The following EXD2 variants were observed in gnomAD, a reference collection of about 807,000 sequenced individuals.
The protein encoded by EXD2 is exonuclease 3'-5' domain containing 2.
EXD2 carries 40 observed loss-of-function variants against 62.5 expected under a neutral mutation model. The ratio of observed to expected loss-of-function variants is 0.64; its 90% CI spans 0.50 to 0.83. The LOEUF (loss-of-function observed/expected upper bound fraction) is 0.83. Among genes scored for constraint, EXD2 ranks in the 40% least tolerant of loss-of-function variants. EXD2 has a pLI of 0.00. For missense variants in EXD2, 671 were observed against 761.8 expected (o/e 0.88, Z 1.40); for synonymous variants, 239 against 291.9 (o/e 0.82, Z 1.85).
chr14:69,236,214 G>A (rs2043779283), intron 7 of EXD2, 62 bp downstream of exon 7: 2 of 1,530,592 alleles, frequency 1.3e-6, no homozygotes, highest in Admixed American at 3.3e-5. Flanking sequence ...GGCAGGAGTG[G>A]GGAGTGAGAT....
rs956999545 is a variant in EXD2 at position 69,240,901 on chromosome 14, A to G, written c.1667A>G (p.Tyr556Cys). Residue 556 changes from tyrosine (Y) to cysteine (C), a missense_variant, in exon 10 of 10, where the codon TAT becomes TGT. Physicochemically the swap from Tyr to Cys is radical, Grantham distance 194. Transcript: ENST00000685843. ...SLETRISNEN[Y>C]VPHGLKVVQC... is the part of the protein sequence containing the mutation. The stretch of plus-strand genomic sequence containing the variant: ...TTTGGCAGAATCTCCAATGAAAACT[A>G]TGTTCCTCACGGGCTGAAGGTGGTG... 9 of 1,613,460 alleles carry G rather than the reference A, an allele frequency of 5.6e-6. No homozygotes were observed. Among genetic ancestry groups the G allele is most frequent in the Middle Eastern group, 3.4e-4 (2 of 5,814 alleles).
At chr14:69,194,126 G>C (rs1452591821) in intron 1 of EXD2, among the ~76,000 whole-genome samples, 9 of 144,116 alleles carry the variant, frequency 6.2e-5, no homozygotes, top group Non-Finnish European at 4.5e-5. Context: ...CTGTCACCTC[G>C]AACAGTCAGT....
intron 2 of EXD2, among the ~76,000 whole-genome samples, chr14:69,208,057 C>A (rs2042669261): frequency 6.6e-6 from 1 of 151,960 alleles, no homozygotes; most frequent in Non-Finnish European, 1.5e-5. Flanking sequence ...CACCACCACG[C>A]CTGGCTAATT....
At chr14:69,226,927 G>T (rs1488129068) in intron 3 of EXD2, among the ~76,000 whole-genome samples, 1 of 152,040 alleles carries the variant, frequency 6.6e-6, no homozygotes, top group Non-Finnish European at 1.5e-5. Context: ...GTCATTTTCT[G>T]TGTGTGTGAG....
chr14:69,243,027 T>C lies in EXD2; in HGVS notation c.*1927T>C, dbSNP rs1223452043. 6.6e-6 allele frequency: 1 copy of C among 152,130 alleles called. No homozygotes were observed. Among genetic ancestry groups the C allele is most frequent in the Non-Finnish European group, 1.5e-5 (1 of 68,016 alleles). 9.4% of individuals were successfully genotyped at this position (152,130 alleles called of 1,614,324 possible). A position where few individuals can be genotyped will look rare whatever the true frequency, so the allele number is the denominator to read the frequency against. ...ATTTAAGGTGCTAGGGAAAGGGTTT[T>C]CCCATGGAGCTTTCTGTGAGGCGCA... On this transcript the variant is annotated 3_prime_UTR_variant, in exon 10 of 10. Coordinates refer to ENST00000685843, the MANE Select transcript of EXD2 (RefSeq NM_001193360.2).
chr14:69,202,657 A>G (rs1462483060), intron 1 of EXD2, among the ~76,000 whole-genome samples: 1 of 152,260 alleles, frequency 6.6e-6, no homozygotes, highest in Non-Finnish European at 1.5e-5. Context: ...TGCAGTTTAC[A>G]AAACCTCTTC....
intron 1 of EXD2, among the ~76,000 whole-genome samples, chr14:69,194,374 G>A (rs184285680): frequency 1.4e-4 from 22 of 152,066 alleles, no homozygotes; most frequent in Non-Finnish European, 2.6e-4. Context: ...TCCTGACCTC[G>A]TGATCCACCT....
intron 5 of EXD2, among the ~76,000 whole-genome samples, chr14:69,231,476 T>TA (rs1316077731): frequency 1.5e-4 from 23 of 152,234 alleles, no homozygotes; most frequent in African/African-American, 5.1e-4. Flanking sequence ...ATCAGGTTAA[T>TA]ATACAGTATT....
intron 6 of EXD2, among the ~76,000 whole-genome samples, chr14:69,235,405 C>T (rs1425187642): frequency 6.6e-6 from 1 of 152,154 alleles, no homozygotes; most frequent in Non-Finnish European, 1.5e-5. Context: ...TGTAGTGCCT[C>T]ATACTTTTCA....
chr14:69,195,304 C>T (rs1428595719), intron 1 of EXD2, among the ~76,000 whole-genome samples: 1 of 151,912 alleles, frequency 6.6e-6, no homozygotes, highest in Non-Finnish European at 1.5e-5. Flanking sequence ...CTCGAGTGAT[C>T]CTCCTGCCTC....
chr14:69,220,253 G>GTTTTTTGTTTTTTT (rs2043126549), intron 3 of EXD2, among the ~76,000 whole-genome samples: 8 of 35,108 alleles, frequency 2.3e-4, no homozygotes, highest in Non-Finnish European at 3.0e-4. Flanking sequence ...TTGTCTCTCT[G>GTTTTTTGTTTTTTT]TTTTTTTTTT....
intron 1 of EXD2, among the ~76,000 whole-genome samples, chr14:69,195,171 T>A (rs955106098): frequency 8.6e-5 from 13 of 150,460 alleles, no homozygotes; most frequent in Middle Eastern, 6.5e-3. Context: ...GAGCTGAAAT[T>A]GCACCACTGC....
intron 3 of EXD2, among the ~76,000 whole-genome samples, chr14:69,220,357 A>G (rs4271533): frequency 0.73 from 101,625 of 139,520 alleles, 37,746 homozygotes; most frequent in East Asian, 1. Context: ...TTCAAGCTCC[A>G]CCTCCCGGGT....
intron 4 of EXD2, 86 bp downstream of exon 4, chr14:69,229,158 A>G (rs1219319083): frequency 6.5e-7 from 1 of 1,528,056 alleles, no homozygotes; most frequent in Non-Finnish European, 8.9e-7. Context: ...CTCAATAGTG[A>G]GACATGTGAA....
intron 9 of EXD2, 75 bp downstream of exon 9, chr14:69,238,006 G>T: frequency 1.5e-6 from 2 of 1,356,430 alleles, no homozygotes; most frequent in Non-Finnish European, 2.0e-6. Flanking sequence ...TTGCCAGGGA[G>T]GGGGCATTGG....
chr14:69,229,154 AG>A lies in EXD2; in HGVS notation c.590+83del, dbSNP rs2043478239. 6.5e-6 allele frequency: 10 copies of A among 1,542,092 alleles called. No individual in the cohort carries two copies. In the African/African-American group the frequency reaches 1.4e-4, roughly 21 times the overall value. On this transcript the variant is annotated intron_variant, in intron 4 of 9. Transcript: ENST00000685843. ...GATTTGTAGATGCCTGGGACTCAAT[AG>A]TGAGACATGTGAAATTGTATAGGAG... is the stretch of plus-strand genomic sequence containing the variant.
intron 3 of EXD2, chr14:69,214,089 T>G (rs946039417): frequency 6.6e-6 from 1 of 152,212 alleles, no homozygotes; most frequent in African/African-American, 2.4e-5. Context: ...TTTGGCAGTT[T>G]ATCATTTTCA....
rs1595092997 is a variant in EXD2 at position 69,191,535 on chromosome 14, G to A, written c.-188G>A. The stretch of plus-strand genomic sequence containing the variant: ...TGGGTGCGCGCAGGCGGCCGCACAG[G>A]TTCCAGGTCTTTAACGTGAGCCCGC... On this transcript the variant is annotated 5_prime_UTR_variant, in exon 1 of 10. Transcript: ENST00000685843. 1 of 152,514 alleles carries A rather than the reference G, an allele frequency of 6.6e-6. No individual in the cohort carries two copies. Among genetic ancestry groups the A allele is most frequent in the Admixed American group, 6.5e-5 (1 of 15,304 alleles). 9.4% of individuals were successfully genotyped at this position (152,514 alleles called of 1,614,324 possible).
intron 3 of EXD2, among the ~76,000 whole-genome samples, chr14:69,212,957 C>A (rs985242945): frequency 6.6e-6 from 1 of 151,792 alleles, no homozygotes; most frequent in Non-Finnish European, 1.5e-5. Flanking sequence ...GCAATCCATT[C>A]GCCTCAGTCC....
Sources: gnomAD v4.1 joint callset for allele counts (sites outside exome capture counted in the v4.1 genomes callset) on GRCh38, gnomAD v4.1.1 for gene constraint, MANE v1.5 for transcripts, NCBI Gene and HGNC (gene_info 2026-07-23, HGNC 2026-07-21) for gene names.